Variants in MTUS2 observed in about 807,000 individuals in gnomAD.
MTUS2 encodes microtubule-associated tumor suppressor candidate 2.
MTUS2 carries 40 observed loss-of-function variants against 114.1 expected under a neutral mutation model. That is an observed-to-expected ratio of 0.35 (90% CI 0.27 to 0.46). The LOEUF is 0.46. Among genes scored for constraint, MTUS2 ranks in the 20% least tolerant of loss-of-function variants. The pLI, the probability that MTUS2 is intolerant of heterozygous loss-of-function variation, is 1.00. For synonymous variants in MTUS2, 688 were observed against 672.0 expected, an observed-to-expected ratio of 1.02 and a Z score of -0.37; for missense variants, 1,679 against 1,705.4, an observed-to-expected ratio of 0.98 and a Z score of 0.27.
Position 29,035,302 on chromosome 13 carries a change from C to T in MTUS2, c.2446+1177C>T, listed in dbSNP as rs1305621710. 3.3e-5 allele frequency among the ~76,000 whole-genome samples: 5 copies of T among 152,188 alleles called. No individual in the cohort carries two copies. In the South Asian group the frequency reaches 6.2e-4, roughly 19 times the overall value. On this transcript the variant is annotated intron_variant, in intron 4 of 15. Coordinates refer to ENST00000612955, the MANE Select transcript of MTUS2 (RefSeq NM_001033602.4). ...CTAGTAACACTGATGGGTATCACTC[C>T]TACAGGGCATGGAAGATGTCACATG... is the stretch of plus-strand genomic sequence containing the variant.
At chr13:29,365,233 G>A (rs913527642) in intron 8 of MTUS2, among the ~76,000 whole-genome samples, 1 of 152,160 alleles carries the variant, frequency 6.6e-6, no homozygotes, top group Non-Finnish European at 1.5e-5. Context: ...ATGCCAAGCA[G>A]CTCTTTGAAG....
intron 2 of MTUS2, among the ~76,000 whole-genome samples, chr13:28,893,177 A>G (rs1288165111): frequency 6.6e-6 from 1 of 152,168 alleles, no homozygotes; most frequent in African/African-American, 2.4e-5. Context: ...ATTTTTGAGC[A>G]TGCAGTTGAT....
intron 8 of MTUS2, among the ~76,000 whole-genome samples, chr13:29,374,926 C>CA (rs1383520398): frequency 7.2e-6 from 1 of 137,982 alleles, no homozygotes; most frequent in South Asian, 2.3e-4. Flanking sequence ...AACTCTGTCT[C>CA]AAAAAAAATA....
chr13:29,287,666 C>G (rs1202743206), intron 6 of MTUS2, among the ~76,000 whole-genome samples: 1 of 152,204 alleles, frequency 6.6e-6, no homozygotes, highest in Non-Finnish European at 1.5e-5. Context: ...TCAAGCTGCC[C>G]TACAGGCATC....
chr13:29,402,713 C>G (rs975019062), intron 8 of MTUS2, among the ~76,000 whole-genome samples: 5 of 152,244 alleles, frequency 3.3e-5, no homozygotes, highest in African/African-American at 1.2e-4. Context: ...TGTTTTTTCA[C>G]TTCCCTGTAT....
At chr13:28,900,679 A>G (rs969859579) in intron 2 of MTUS2, among the ~76,000 whole-genome samples, 3 of 152,212 alleles carry the variant, frequency 2.0e-5, no homozygotes, top group Non-Finnish European at 4.4e-5. Context: ...TCTAAAGGAC[A>G]TCTAGGTGGT....
At chr13:29,030,379 C>T (rs1460700118) in intron 3 of MTUS2, among the ~76,000 whole-genome samples, 1 of 152,106 alleles carries the variant, frequency 6.6e-6, no homozygotes, top group Non-Finnish European at 1.5e-5. Context: ...TTTACAAGTT[C>T]GTTTGAAATG....
chr13:29,325,526 G>T (rs1900464092), intron 7 of MTUS2, among the ~76,000 whole-genome samples: 1 of 140,164 alleles, frequency 7.1e-6, no homozygotes, highest in Non-Finnish European at 1.5e-5. Context: ...GAGGAGGAGG[G>T]AGGAAGGAGA....
intron 4 of MTUS2, among the ~76,000 whole-genome samples, chr13:29,067,228 T>G (rs963011235): frequency 6.6e-6 from 1 of 151,984 alleles, no homozygotes; most frequent in Admixed American, 6.6e-5. Context: ...TGGGAATAGA[T>G]GAGCAGATTC....
Position 29,440,858 on chromosome 13 carries a change from A to C in MTUS2, c.3184+809A>C, listed in dbSNP as rs1593446388. Among the ~76,000 whole-genome samples, 3 of 152,276 alleles carry C rather than the reference A, an allele frequency of 2.0e-5. No individual in the cohort carries two copies. In the South Asian group the frequency reaches 6.2e-4, roughly 32 times the overall value. ...GCAATCCCAGGTGTCCTTGGCAAGT[A>C]GCCAGCCATGCGGATAGGCAGAAGG... On this transcript the variant is annotated intron_variant, in intron 9 of 15. Coordinates refer to ENST00000612955, the MANE Select transcript of MTUS2 (RefSeq NM_001033602.4).
At chr13:28,940,988 T>C (rs1194740289) in intron 2 of MTUS2, among the ~76,000 whole-genome samples, 1 of 151,928 alleles carries the variant, frequency 6.6e-6, no homozygotes, top group Non-Finnish European at 1.5e-5. Context: ...AGTTAGACTT[T>C]GAGGCAAGGA....
Position 29,198,188 on chromosome 13 carries a change from C to T in MTUS2, c.2645-83516C>T, listed in dbSNP as rs761330488. Among the ~76,000 whole-genome samples, 3 of 152,070 alleles carry T rather than the reference C, an allele frequency of 2.0e-5. No homozygotes were observed. In the East Asian group the frequency reaches 5.8e-4, roughly 29 times the overall value. On this transcript the variant is annotated intron_variant, in intron 5 of 15. Transcript: ENST00000612955. ...TATTGCCTAGGTTTTCTTCTAGGTT[C>T]TTTTATGGGTTAAGGTCTTAGGTTT... is the stretch of plus-strand genomic sequence containing the variant.
At chr13:28,997,786 C>T (rs1044916175) in intron 2 of MTUS2, among the ~76,000 whole-genome samples, 2 of 152,036 alleles carry the variant, frequency 1.3e-5, no homozygotes, top group African/African-American at 2.4e-5. Context: ...ATGTGTGTCT[C>T]TGCACGTGAG....
At chr13:29,139,054 C>G (rs74041742) in intron 5 of MTUS2, among the ~76,000 whole-genome samples, 2 of 108,714 alleles carry the variant, frequency 1.8e-5, no homozygotes, top group African/African-American at 6.9e-5. Flanking sequence ...TTTTTTTTTT[C>G]TTTACTAACA....
At chr13:29,119,450 T>C (rs2138899590) in intron 5 of MTUS2, among the ~76,000 whole-genome samples, 1 of 152,338 alleles carries the variant, frequency 6.6e-6, no homozygotes, top group Admixed American at 6.5e-5. Flanking sequence ...CAAAAAGTTT[T>C]CATATATTCT....
At chr13:29,399,777 T>C (rs1874186166) in intron 8 of MTUS2, among the ~76,000 whole-genome samples, 1 of 152,008 alleles carries the variant, frequency 6.6e-6, no homozygotes, top group Non-Finnish European at 1.5e-5. Flanking sequence ...TTTTTCAGAA[T>C]TAATAAGTAA....
chr13:28,984,248 T>C (rs1282380693), intron 2 of MTUS2, among the ~76,000 whole-genome samples: 1 of 152,150 alleles, frequency 6.6e-6, no homozygotes, highest in African/African-American at 2.4e-5. Context: ...GGGTGCTAAA[T>C]TATCATTGGT....
chr13:29,228,602 G>A (rs979475283), intron 5 of MTUS2, among the ~76,000 whole-genome samples: 19 of 152,102 alleles, frequency 1.2e-4, no homozygotes, highest in African/African-American at 4.6e-4. Flanking sequence ...TTGCAGGCAT[G>A]AGACACTAGG....
intron 4 of MTUS2, among the ~76,000 whole-genome samples, chr13:29,042,898 C>T (rs899412730): frequency 1.3e-5 from 2 of 151,852 alleles, no homozygotes; most frequent in Non-Finnish European, 2.9e-5. Context: ...TCAATTTTGT[C>T]TATCTTTTCA....
Sources: gnomAD v4.1 joint callset for allele counts (sites outside exome capture counted in the v4.1 genomes callset) on GRCh38, gnomAD v4.1.1 for gene constraint, MANE v1.5 for transcripts, NCBI Gene and HGNC (gene_info 2026-07-23, HGNC 2026-07-21) for gene names.